Variants in AKT3 observed in about 807,000 individuals in gnomAD.
AKT3 encodes RAC-gamma serine/threonine-protein kinase.
AKT3 carries 15 observed loss-of-function variants against 65.3 expected under a neutral mutation model. The ratio of observed to expected loss-of-function variants is 0.23; its 90% CI spans 0.15 to 0.35. The LOEUF is 0.35. Among genes scored for constraint, AKT3 ranks in the 10% least tolerant of loss-of-function variants. AKT3 has a pLI of 1.00. For missense variants in AKT3, 243 were observed against 576.5 expected (o/e 0.42, Z 5.92); for synonymous variants, 206 against 183.8 (o/e 1.12, Z -0.98).
At chr1:243,791,984 ATCT>A (rs1344598320) in intron 2 of AKT3, among the ~76,000 whole-genome samples, 4 of 152,202 alleles carry the variant, frequency 2.6e-5, no homozygotes, top group African/African-American at 9.7e-5. Flanking sequence ...AACAGAATAA[ATCT>A]TCTATTTTGT....
intron 12 of AKT3, among the ~76,000 whole-genome samples, chr1:243,542,479 G>A (rs1196822338): frequency 1.3e-5 from 2 of 152,118 alleles, no homozygotes; most frequent in Admixed American, 6.6e-5. Flanking sequence ...ATCTCTAGAT[G>A]TGCCATCACC....
chr1:243,684,233 G>A lies in AKT3; in HGVS notation c.172+11358C>T, dbSNP rs1684125386. Among the ~76,000 whole-genome samples the A allele has an allele frequency of 4.0e-5, 6 of 151,858 alleles. No individual in the cohort carries two copies. The South Asian group carries it at 1.0e-3, about 26-fold the overall frequency. ...GCAGGTTTGTTACATAGGTATACAC[G>A]TGCCATGGTGGTTTGCTGCACCCAT... On this transcript the variant is annotated intron_variant, in intron 3 of 13. Transcript: ENST00000673466.
At chr1:243,775,389 C>T (rs781297588) in intron 2 of AKT3, among the ~76,000 whole-genome samples, 9 of 152,132 alleles carry the variant, frequency 5.9e-5, no homozygotes, top group Non-Finnish European at 1.0e-4. Context: ...ACCTTATTAG[C>T]CAGGATGGTC....
chr1:243,613,734 C>T lies in AKT3; in HGVS notation c.633G>A (p.Leu211=), dbSNP rs550697644. 2 of 1,581,432 alleles carry T rather than the reference C, an allele frequency of 1.3e-6. No homozygotes were observed. Among genetic ancestry groups the T allele is most frequent in the East Asian group, 2.3e-5 (1 of 43,886 alleles). ...KNTRHPFLTS[L]KYSFQTKDRL... ...GGTCTTTTGTCTGGAAGGAATATTT[C>T]AAGGACTTGAAATAAAAAAAAGAAA... is the stretch of plus-strand genomic sequence containing the variant. Residue 211 remains leucine, a synonymous_variant, in exon 8 of 14, where the codon TTG becomes TTA. Transcript: ENST00000673466.
At chr1:243,704,959 C>T (rs923495254) in intron 2 of AKT3, among the ~76,000 whole-genome samples, 1 of 152,136 alleles carries the variant, frequency 6.6e-6, no homozygotes, top group African/African-American at 2.4e-5. Context: ...AATGTTGCCA[C>T]TGCAGCTGGC....
intron 2 of AKT3, among the ~76,000 whole-genome samples, chr1:243,798,393 A>ATTTTTTTTTTTTTTTTTTTTTT (rs759264137): frequency 4.8e-5 from 4 of 83,310 alleles, no homozygotes; most frequent in Admixed American, 1.9e-4. Context: ...CTAATTTTTA[A>ATTTTTTTTTTTTTTTTTTTTTT]TTTTTTTTTT....
intron 2 of AKT3, among the ~76,000 whole-genome samples, chr1:243,760,424 C>T (rs879396540): frequency 9.2e-5 from 14 of 151,758 alleles, no homozygotes; most frequent in Admixed American, 3.3e-4. Context: ...CCATGCCCAA[C>T]CCAAGGCTTC....
chr1:243,570,861 G>C (rs1674508975), intron 9 of AKT3, among the ~76,000 whole-genome samples: 1 of 152,196 alleles, frequency 6.6e-6, no homozygotes. Context: ...TCAGGGAGCA[G>C]AGACCACTTA....
chr1:243,631,310 G>C (rs961656148), intron 6 of AKT3, among the ~76,000 whole-genome samples: 1 of 152,104 alleles, frequency 6.6e-6, no homozygotes, highest in Non-Finnish European at 1.5e-5. Context: ...AGTGGGTGTG[G>C]CAATTTCTTT....
chr1:243,630,974 CTTT>C (rs34788254), intron 6 of AKT3, among the ~76,000 whole-genome samples: 3 of 147,688 alleles, frequency 2.0e-5, no homozygotes, highest in African/African-American at 7.5e-5. Flanking sequence ...CAAATAGCCT[CTTT>C]TTTTTTTTTC....
intron 2 of AKT3, among the ~76,000 whole-genome samples, chr1:243,835,446 A>G (rs1337256687): frequency 2.6e-5 from 4 of 152,216 alleles, no homozygotes; most frequent in Non-Finnish European, 4.4e-5. Context: ...TTATCCATAT[A>G]ACAAACCTGT....
chr1:243,633,914 G>A (rs1038292844), intron 6 of AKT3, among the ~76,000 whole-genome samples: 18 of 152,060 alleles, frequency 1.2e-4, no homozygotes, highest in African/African-American at 4.3e-4. Flanking sequence ...GGGTAAAAGT[G>A]AAAGAGAAAA....
At chr1:243,656,640 G>C (rs775275073) in intron 4 of AKT3, among the ~76,000 whole-genome samples, 1 of 152,216 alleles carries the variant, frequency 6.6e-6, no homozygotes, top group Non-Finnish European at 1.5e-5. Context: ...AAAAGGGCAA[G>C]AAGGAAAGAG....
At chr1:243,670,398 G>C (rs1458931097) in intron 3 of AKT3, among the ~76,000 whole-genome samples, 1 of 152,120 alleles carries the variant, frequency 6.6e-6, no homozygotes, top group Non-Finnish European at 1.5e-5. Flanking sequence ...CGAGTAAATA[G>C]AAAAACTTTT....
chr1:243,638,121 C>T (rs1471611206), intron 5 of AKT3, among the ~76,000 whole-genome samples: 2 of 152,182 alleles, frequency 1.3e-5, no homozygotes, highest in East Asian at 3.9e-4. Context: ...CAAACATTTC[C>T]AAATATGCCT....
intron 2 of AKT3, among the ~76,000 whole-genome samples, chr1:243,763,553 G>C (rs539820470): frequency 2.0e-4 from 31 of 152,092 alleles, no homozygotes; most frequent in African/African-American, 7.2e-4. Flanking sequence ...GGAAAATTTT[G>C]CAACAGATTT....
chr1:243,683,757 T>C (rs567321238), intron 3 of AKT3, among the ~76,000 whole-genome samples: 73 of 152,290 alleles, frequency 4.8e-4, no homozygotes, highest in Admixed American at 1.4e-3. Flanking sequence ...CAGTATAAAC[T>C]ATTGAAGCTG....
chr1:243,606,106 C>T (rs1677390180), intron 8 of AKT3, among the ~76,000 whole-genome samples: 1 of 152,160 alleles, frequency 6.6e-6, no homozygotes, highest in African/African-American at 2.4e-5. Context: ...AAACCTCTTT[C>T]CTTTATAAAT....
At chr1:243,556,580 G>A (rs1470422546) in intron 10 of AKT3, among the ~76,000 whole-genome samples, 2 of 151,894 alleles carry the variant, frequency 1.3e-5, no homozygotes, top group Non-Finnish European at 2.9e-5. Context: ...AACAGATGGG[G>A]GAAAAAATTA....
Sources: allele counts gnomAD v4.1 joint callset (sites outside exome capture counted in the v4.1 genomes callset), GRCh38; gene constraint gnomAD v4.1.1; transcripts MANE v1.5; gene names NCBI Gene and HGNC (gene_info 2026-07-23, HGNC 2026-07-21).